Variants in COBL observed in about 807,000 individuals in gnomAD.
COBL encodes the protein protein cordon-bleu.
COBL carries 51 observed loss-of-function variants against 98.8 expected under a neutral mutation model. The ratio of observed to expected loss-of-function variants is 0.52; its 90% CI spans 0.41 to 0.65. The LOEUF (loss-of-function observed/expected upper bound fraction) is 0.65, where lower values mean the gene tolerates loss of function less well. Among genes scored for constraint, COBL ranks in the 30% least tolerant of loss-of-function variants. COBL has a pLI of 0.00. For synonymous variants in COBL, 634 were observed against 651.7 expected (o/e 0.97, Z 0.41); for missense variants, 1,617 against 1,617.5 (o/e 1.00, Z 0.01).
At chr7:51,299,818 T>C (rs1337851075) in intron 1 of COBL, among the ~76,000 whole-genome samples, 1 of 152,188 alleles carries the variant, frequency 6.6e-6, no homozygotes, top group Non-Finnish European at 1.5e-5. Flanking sequence ...AAGCTCTCCA[T>C]GTCACAGGTG....
At chr7:51,255,623 G>A (rs1488914731) in intron 1 of COBL, among the ~76,000 whole-genome samples, 1 of 152,208 alleles carries the variant, frequency 6.6e-6, no homozygotes. Context: ...GCAATGACCA[G>A]TGGCACGACT....
chr7:51,121,815 T>C (rs1360734315), intron 6 of COBL, among the ~76,000 whole-genome samples: 1 of 152,186 alleles, frequency 6.6e-6, no homozygotes, highest in Non-Finnish European at 1.5e-5. Flanking sequence ...AATATACATA[T>C]AAAGTTGCAA....
chr7:51,156,192 GCACA>G (rs146159564), intron 5 of COBL: 2 of 944,004 alleles, frequency 2.1e-6, no homozygotes, highest in Non-Finnish European at 1.3e-6. Flanking sequence ...AAAATACTCT[GCACA>G]CACACACACA....
intron 5 of COBL, among the ~76,000 whole-genome samples, chr7:51,158,623 G>T (rs1253773825): frequency 6.6e-6 from 1 of 152,174 alleles, no homozygotes; most frequent in African/African-American, 2.4e-5. Context: ...CAGACCCTGG[G>T]GCAGGTGCCA....
intron 1 of COBL, among the ~76,000 whole-genome samples, chr7:51,233,059 T>C (rs1222513669): frequency 6.6e-6 from 1 of 152,170 alleles, no homozygotes; most frequent in Non-Finnish European, 1.5e-5. Context: ...AGAAAATAAA[T>C]ACAAACAGCC....
chr7:51,158,697 C>G (rs1786456767), intron 5 of COBL, among the ~76,000 whole-genome samples: 1 of 151,894 alleles, frequency 6.6e-6, no homozygotes, highest in Non-Finnish European at 1.5e-5. Flanking sequence ...CAGGGAGGAG[C>G]TGGAAAAGAA....
At chr7:51,030,935 C>T in intron 8 of COBL, 26 bp from the exon 9 acceptor site, 13 of 1,393,172 alleles carry the variant, frequency 9.3e-6, no homozygotes, top group Non-Finnish European at 1.2e-5. Context: ...GAGAAAGGAG[C>T]ACTCATTTCT....
intron 5 of COBL, among the ~76,000 whole-genome samples, chr7:51,146,761 G>C (rs1159894081): frequency 6.6e-6 from 1 of 152,204 alleles, no homozygotes; most frequent in Non-Finnish European, 1.5e-5. Context: ...AGGTGGTGCA[G>C]AGGGGGAGTC....
chr7:51,035,184 A>T (rs1788517862), intron 8 of COBL: 1 of 152,174 alleles, frequency 6.6e-6, no homozygotes, highest in African/African-American at 2.4e-5. Flanking sequence ...CAAAAACGAG[A>T]ACTAGGGACA....
At chr7:51,063,021 G>A (rs1791540008) in intron 7 of COBL, among the ~76,000 whole-genome samples, 1 of 152,112 alleles carries the variant, frequency 6.6e-6, no homozygotes, top group South Asian at 2.1e-4. Context: ...CACACCTTCA[G>A]CACTCTGTCA....
At chr7:51,248,348 G>A (rs1796443138) in intron 1 of COBL, among the ~76,000 whole-genome samples, 1 of 152,134 alleles carries the variant, frequency 6.6e-6, no homozygotes, top group African/African-American at 2.4e-5. Context: ...AATTGGAAGG[G>A]AAGAGAAGAA....
rs139523026 is a variant in COBL at position 51,025,759 on chromosome 7, T to C, written c.3505-387A>G. Among the ~76,000 whole-genome samples the C allele has an allele frequency of 4.6e-5, 7 of 152,332 alleles. No individual in the cohort carries two copies. In the East Asian group the frequency reaches 1.4e-3, roughly 29 times the overall value. On this transcript the variant is annotated intron_variant, in intron 11 of 12. Transcript: ENST00000265136. ...CCCAAACAGACTAAGGCAGTGACAC[T>C]GTCCCCAAAGGTTCTGAGAGAGCAG...
intron 2 of COBL, among the ~76,000 whole-genome samples, chr7:51,211,410 G>C (rs1792415644): frequency 6.6e-6 from 1 of 152,218 alleles, no homozygotes; most frequent in South Asian, 2.1e-4. Context: ...CAGAATGACA[G>C]TGCCCACCTC....
chr7:51,207,435 TGGTCTCCCTCTCCCTCTCTTTCCAC>T (rs1347046462), intron 2 of COBL, among the ~76,000 whole-genome samples: 3 of 152,236 alleles, frequency 2.0e-5, no homozygotes, highest in East Asian at 3.9e-4. Context: ...ACTTGCCCCA[TGGTCTCCCTCTCCCTCTCTTTCCAC>T]GGTCTCCCTC....
intron 1 of COBL, among the ~76,000 whole-genome samples, chr7:51,315,640 G>C (rs559061007): frequency 6.7e-6 from 1 of 148,904 alleles, no homozygotes; most frequent in African/African-American, 2.4e-5. Context: ...GAAGGTCCCC[G>C]GCGCGCCGCG....
chr7:51,119,191 T>C (rs574334611), intron 6 of COBL, among the ~76,000 whole-genome samples: 5 of 152,328 alleles, frequency 3.3e-5, no homozygotes, highest in African/African-American at 1.2e-4. Context: ...TAAGTTTCCC[T>C]GGTGATATTA....
rs990199886 is a variant in COBL at position 51,057,047 on chromosome 7, T to C, written c.1097-13355A>G. On this transcript the variant is annotated intron_variant, in intron 7 of 12. Transcript: ENST00000265136. ...CACCATGAATGGGAATCTTCCCTTT[T>C]TCCAGTGGATCCACACTGTCTCCTC... is the stretch of plus-strand genomic sequence containing the variant. 3.3e-5 allele frequency among the ~76,000 whole-genome samples: 5 copies of C among 152,160 alleles called. No individual in the cohort carries two copies. In the East Asian group the frequency reaches 7.7e-4, roughly 23 times the overall value.
At chr7:51,118,960 C>CA (rs1797520072) in intron 6 of COBL, among the ~76,000 whole-genome samples, 1 of 152,162 alleles carries the variant, frequency 6.6e-6, no homozygotes, top group Non-Finnish European at 1.5e-5. Flanking sequence ...GTCTGCAGCT[C>CA]AAAATACCCA....
chr7:51,143,041 AG>A (rs1270844079), intron 5 of COBL, among the ~76,000 whole-genome samples: 1 of 152,164 alleles, frequency 6.6e-6, no homozygotes, highest in Non-Finnish European at 1.5e-5. Flanking sequence ...AGTAAGAGGA[AG>A]GGCATCAAAG....
Sources: gnomAD v4.1 joint callset for allele counts (sites outside exome capture counted in the v4.1 genomes callset) on GRCh38, gnomAD v4.1.1 for gene constraint, MANE v1.5 for transcripts, NCBI Gene and HGNC (gene_info 2026-07-23, HGNC 2026-07-21) for gene names.